The following SPDYE5 variants were observed in gnomAD, a reference collection of about 807,000 sequenced individuals.
SPDYE5 encodes the protein speedy protein E5.
Under a neutral mutation model 48.5 loss-of-function variants are expected in SPDYE5, and 15 were observed. The ratio of observed to expected loss-of-function variants is 0.31; its 90% CI spans 0.21 to 0.48. The LOEUF is 0.48. SPDYE5 is among the 20% of genes least tolerant of loss of function. SPDYE5 has a pLI of 0.99. For missense variants in SPDYE5, 331 were observed against 549.1 expected (o/e 0.60, Z 3.97); for synonymous variants, 116 against 200.7 (o/e 0.58, Z 3.57).
At chr7:75,497,153 T>A (rs1255711319) in intron 4 of SPDYE5, among the ~76,000 whole-genome samples, 1 of 152,066 alleles carries the variant, frequency 6.6e-6, no homozygotes, top group African/African-American at 2.4e-5. Context: ...CTGCCTGAGA[T>A]CCCAGCATGT....
Position 75,503,475 on chromosome 7 carries a change from T to G in SPDYE5, c.*688T>G, listed in dbSNP as rs587743745. 1.3e-5 allele frequency: 2 copies of G among 153,588 alleles called. No individual in the cohort carries two copies. Among genetic ancestry groups the G allele is most frequent in the Non-Finnish European group, 2.9e-5 (2 of 69,070 alleles). 9.5% of individuals were successfully genotyped at this position (153,588 alleles called of 1,614,324 possible). Reference sequence around the variant, plus strand: ...ACAATTCTTTTTATCCTAAATATTTTATTATCTTTAAATTTCTTTCTGTAT... The same window carrying G: ...ACAATTCTTTTTATCCTAAATATTTGATTATCTTTAAATTTCTTTCTGTAT... On this transcript the variant is annotated 3_prime_UTR_variant, in exon 9 of 9. Coordinates refer to ENST00000625065, the MANE Select transcript of SPDYE5 (RefSeq NM_001306141.4).
chr7:75,492,843 G>A (rs3973274), intron 1 of SPDYE5, among the ~76,000 whole-genome samples: 5 of 152,132 alleles, frequency 3.3e-5, no homozygotes, highest in African/African-American at 4.8e-5. Flanking sequence ...TTGCCCAGAC[G>A]GGAGTGCAGT....
Position 75,504,058 on chromosome 7 carries a change from T to C in SPDYE5, c.*1271T>C, listed in dbSNP as rs1279021440. 1.4e-4 allele frequency: 22 copies of C among 152,230 alleles called. No homozygotes were observed. The highest frequency in any genetic ancestry group is 5.1e-4 in the African/African-American group (21 of 41,580). The allele number at this position is 152,230 out of a possible 1,614,324, so 9.4% of individuals were successfully genotyped here. On this transcript the variant is annotated 3_prime_UTR_variant, in exon 9 of 9. Coordinates refer to ENST00000625065, the MANE Select transcript of SPDYE5 (RefSeq NM_001306141.4). ...TTATCTGTGATACTTAGTTAACATA[T>C]ATATTACATTTATAGCTATGTAGTA...
rs1168304497 is a variant in SPDYE5 at position 75,494,125 on chromosome 7, C to G, written c.78C>G (p.Pro26=). The part of the protein sequence containing the change: ...EKITTSRQPQ[P]QNEQSPQRST... ...TCACGACCAGCCGTCAACCGCAACC[C>G]CAGAATGAGCAGAGTCCCCAGCGGA... The change falls in exon 2 of 9, where the codon CCC becomes CCG. Residue 26 remains proline (P), a synonymous_variant. Transcript: ENST00000625065. 2 of 1,535,258 alleles carry G rather than the reference C, an allele frequency of 1.3e-6. No homozygotes were observed. Among genetic ancestry groups the G allele is most frequent in the African/African-American group, 1.4e-5 (1 of 72,936 alleles).
chr7:75,501,810 G>T, intron 7 of SPDYE5, 55 bp downstream of exon 7: 5 of 1,612,294 alleles, frequency 3.1e-6, no homozygotes, highest in South Asian at 1.1e-5. Context: ...TGGGCTGGAG[G>T]CTGGATGAGG....
At chr7:75,501,045 A>G (rs1793132338) in intron 6 of SPDYE5, among the ~76,000 whole-genome samples, 1 of 152,092 alleles carries the variant, frequency 6.6e-6, no homozygotes, top group Non-Finnish European at 1.5e-5. Context: ...GGGTCTTGCT[A>G]TGTTGCCCAG....
intron 3 of SPDYE5, 96 bp downstream of exon 3, chr7:75,495,470 C>G: frequency 1.9e-6 from 3 of 1,558,620 alleles, no homozygotes; most frequent in South Asian, 1.2e-5. Context: ...AGATACGCCC[C>G]CCGTGGGTGA....
intron 4 of SPDYE5, 62 bp downstream of exon 4, chr7:75,496,966 A>G (rs1584738574): frequency 9.3e-7 from 1 of 1,070,632 alleles, no homozygotes; most frequent in East Asian, 2.6e-5. Context: ...GAAACTTCCA[A>G]TAACCACACT....
intron 3 of SPDYE5, among the ~76,000 whole-genome samples, chr7:75,496,104 G>A (rs1792918268): frequency 6.6e-6 from 1 of 150,448 alleles, no homozygotes; most frequent in Non-Finnish European, 1.5e-5. Flanking sequence ...TGGAGGTACT[G>A]AGGCAGGGTG....
chr7:75,494,644 T>C (rs1554482203), intron 2 of SPDYE5, among the ~76,000 whole-genome samples: 1 of 151,968 alleles, frequency 6.6e-6, no homozygotes, highest in African/African-American at 2.4e-5. Flanking sequence ...CCCAGAACTT[T>C]GGGAGGCCAA....
chr7:75,502,384 G>A (rs1793191232), intron 8 of SPDYE5, among the ~76,000 whole-genome samples: 2 of 152,120 alleles, frequency 1.3e-5, no homozygotes, highest in African/African-American at 4.8e-5. Context: ...ACCACGGTGA[G>A]CACAGAGCAT....
rs1416044963 is a variant in SPDYE5 at position 75,495,434 on chromosome 7, C to T, written c.379+60C>T. On this transcript the variant is annotated intron_variant, in intron 3 of 8. Coordinates refer to ENST00000625065, the MANE Select transcript of SPDYE5 (RefSeq NM_001306141.4). ...GTTCTTTCTAAAAAGAGGAAACTTC[C>T]AATAACCACACTTTTCCAATGGGAA... is the stretch of plus-strand genomic sequence containing the variant. The T allele has an allele frequency of 5.0e-6, 8 of 1,584,594 alleles. No individual in the cohort carries two copies. In the East Asian group the frequency reaches 1.4e-4, roughly 27 times the overall value.
chr7:75,497,357 C>CGGGAGGCAGAGGTTGCA (rs1792971810), intron 4 of SPDYE5, among the ~76,000 whole-genome samples: 1 of 151,242 alleles, frequency 6.6e-6, no homozygotes, highest in African/African-American at 2.4e-5. Context: ...CGCTTAAACC[C>CGGGAGGCAGAGGTTGCA]GGGAGGCAGA....
At chr7:75,496,575 C>T (rs1285543411) in intron 3 of SPDYE5, 99 bp from the exon 4 acceptor site, 18 of 1,558,122 alleles carry the variant, frequency 1.2e-5, no homozygotes, top group South Asian at 6.8e-5. Flanking sequence ...CAGCAGTCTG[C>T]GAGGCTGGGG....
In SPDYE5 at chr7:75,501,518, T is replaced by C. The variant is rs782335743; in HGVS notation, c.912T>C (p.Ser304=). 5.5e-6 allele frequency: 8 copies of C among 1,457,226 alleles called. No homozygotes were observed. Among genetic ancestry groups the C allele is most frequent in the Admixed American group, 2.1e-5 (1 of 47,886 alleles). 90.3% of individuals were successfully genotyped at this position (1,457,226 alleles called of 1,614,324 possible). A position where few individuals can be genotyped will look rare whatever the true frequency, so the allele number is the denominator to read the frequency against. The change falls in exon 7 of 9, where the codon TCT becomes TCC. Residue 304 remains serine (S), a synonymous_variant. Transcript: ENST00000625065. ...SMNPRARKKR[S]RIPLLRKRRF... ...ACCCGAGGGCCAGGAAGAAGCGCTC[T>C]CGCATACCCTTGCTCCGTAAGCGTC...
rs1382268656 is a variant in SPDYE5 at position 75,503,960 on chromosome 7, T to G, written c.*1173T>G. On this transcript the variant is annotated 3_prime_UTR_variant, in exon 9 of 9. Coordinates refer to ENST00000625065, the MANE Select transcript of SPDYE5 (RefSeq NM_001306141.4). ...TGCTTTCCTTTTTAAGAGAGGATTC[T>G]TTTCATCCTAAATCTTTTACCTTTC... The G allele has an allele frequency of 6.6e-6, 1 of 152,058 alleles. No individual in the cohort carries two copies. The highest frequency in any genetic ancestry group is 2.4e-5 in the African/African-American group (1 of 41,446). The allele number at this position is 152,058 out of a possible 1,614,324, so 9.4% of individuals were successfully genotyped here.
At position 75,503,204 on chromosome 7, in the gene SPDYE5, G is replaced by A; in HGVS notation, c.*417G>A. On this transcript the variant is annotated 3_prime_UTR_variant, in exon 9 of 9. Transcript: ENST00000625065. ...AGAAGCATTTGAAGGCACAATGCAG[G>A]GGCTCAGATTGGCACAGATTTCTTC... is the stretch of plus-strand genomic sequence containing the variant. The A allele has an allele frequency of 2.8e-6, 1 of 359,938 alleles. No individual in the cohort carries two copies. The highest frequency in any genetic ancestry group is 2.1e-5 in the South Asian group (1 of 47,034). 22.3% of individuals were successfully genotyped at this position (359,938 alleles called of 1,614,324 possible).
chr7:75,494,490 T>G (rs1792851235), intron 2 of SPDYE5, among the ~76,000 whole-genome samples: 2 of 142,130 alleles, frequency 1.4e-5, no homozygotes, highest in African/African-American at 2.7e-5. Context: ...GAGGTTGCAG[T>G]GAGCTGAGAT....
chr7:75,493,593 G>C (rs1237886384), intron 1 of SPDYE5, 34 bp from the exon 2 acceptor site: 3 of 1,176,938 alleles, frequency 2.5e-6, no homozygotes, highest in Non-Finnish European at 3.2e-6. Context: ...GCTTACCCTA[G>C]TTTTCTTTCC....
Sources: allele counts gnomAD v4.1 joint callset (sites outside exome capture counted in the v4.1 genomes callset), GRCh38; gene constraint gnomAD v4.1.1; transcripts MANE v1.5; gene names NCBI Gene and HGNC (gene_info 2026-07-23, HGNC 2026-07-21).